Variants in MLXIP observed in about 807,000 individuals in gnomAD.
MLXIP encodes MLX interacting protein, also known as MLX-interacting protein.
MLXIP carries 30 observed loss-of-function variants against 87.2 expected under a neutral mutation model. The ratio of observed to expected loss-of-function variants is 0.34; its 90% CI spans 0.26 to 0.47. The LOEUF (loss-of-function observed/expected upper bound fraction) is 0.47. MLXIP is among the 20% of genes least tolerant of loss of function. The probability of loss-of-function intolerance (pLI) is 1.00; values close to 1 mark genes in which losing one functional copy is unlikely to be tolerated. For missense variants in MLXIP, 1,002 were observed against 1,240.1 expected (o/e 0.81, Z 2.88); for synonymous variants, 530 against 514.0 (o/e 1.03, Z -0.42).
chr12:122,127,825 C>G, intron 2 of MLXIP, 58 bp from the exon 3 acceptor site: 2 of 1,432,162 alleles, frequency 1.4e-6, no homozygotes, highest in Admixed American at 1.7e-5. Flanking sequence ...AGCAGACAGG[C>G]TGGGGCTCCC....
Position 122,135,405 on chromosome 12 carries a change from G to T in MLXIP, c.1854+60G>T. The T allele has an allele frequency of 6.2e-7, 1 of 1,600,300 alleles. No homozygotes were observed. Among genetic ancestry groups the T allele is most frequent in the African/African-American group, 1.3e-5 (1 of 74,862 alleles). On this transcript the variant is annotated intron_variant, in intron 10 of 16. Coordinates refer to ENST00000319080, the MANE Select transcript of MLXIP (RefSeq NM_014938.6). The surrounding 1 kb of genome is among the most constrained non-coding windows in gnomAD (Gnocchi z 5.3). ...TCTCACCCCGGAGCACTCTGATCTTGGGCGGCCCTCACCTGAGACGACTGG... is the reference window on the plus strand; with the variant it reads ...TCTCACCCCGGAGCACTCTGATCTTTGGCGGCCCTCACCTGAGACGACTGG...
At chr12:122,117,292 ACT>A (rs778554165) in intron 1 of MLXIP, among the ~76,000 whole-genome samples, 19 of 152,014 alleles carry the variant, frequency 1.2e-4, no homozygotes, top group Non-Finnish European at 2.2e-4. Context: ...TCCATAGGAG[ACT>A]CTCTGCTCGG....
At chr12:122,104,770 T>C (rs531925727) in intron 1 of MLXIP, among the ~76,000 whole-genome samples, 4 of 152,048 alleles carry the variant, frequency 2.6e-5, no homozygotes, top group African/African-American at 9.6e-5. Context: ...TTAGTGGAGA[T>C]GGGGTTTCAC....
At position 122,133,052 on chromosome 12, in the gene MLXIP, T is replaced by A; in HGVS notation, c.1093-296T>A. 1 of 343,934 alleles carries A rather than the reference T, an allele frequency of 2.9e-6. No homozygotes were observed. Among genetic ancestry groups the A allele is most frequent in the Non-Finnish European group, 5.3e-6 (1 of 189,520 alleles). The allele number at this position is 343,934 out of a possible 1,614,324, so 21.3% of individuals were successfully genotyped here. A position where few individuals can be genotyped will look rare whatever the true frequency, so the allele number is the denominator to read the frequency against. On this transcript the variant is annotated intron_variant, in intron 8 of 16. Coordinates refer to ENST00000319080, the MANE Select transcript of MLXIP (RefSeq NM_014938.6). This position sits in a 1 kb window ranked among gnomAD's most constrained non-coding sequence, Gnocchi z 4.9. ...CAGTAATAGAAGATGGCAGAGACTTTGGGGAGACTCTGCTGGACTCCAGAA... is the reference window on the plus strand; with the variant it reads ...CAGTAATAGAAGATGGCAGAGACTTAGGGGAGACTCTGCTGGACTCCAGAA...
chr12:122,107,218 G>A (rs1489348872), intron 1 of MLXIP, among the ~76,000 whole-genome samples: 4 of 152,092 alleles, frequency 2.6e-5, no homozygotes, highest in African/African-American at 4.8e-5. Flanking sequence ...GGGAGCTGGG[G>A]GTTCAGGTGA....
Position 122,138,824 on chromosome 12 carries a change from G to A in MLXIP, c.2394G>A (p.Gln798=). ...GCTCCTGTCATTTCAGCTCCTGCCA[G>A]CAGCTGCTCCCTGCCACGGGAGTCC... ...EELNATIISC[Q]QLLPATGVPV... The change falls in exon 15 of 17, where the codon CAG becomes CAA. Residue 798 remains glutamine, a synonymous_variant. Coordinates refer to ENST00000319080, the MANE Select transcript of MLXIP (RefSeq NM_014938.6). 1 of 1,613,666 alleles carries A rather than the reference G, an allele frequency of 6.2e-7. No homozygotes were observed. The highest frequency in any genetic ancestry group is 8.5e-7 in the Non-Finnish European group (1 of 1,179,826).
At chr12:122,090,509 C>A (rs995293296) in intron 1 of MLXIP, among the ~76,000 whole-genome samples, 17 of 147,210 alleles carry the variant, frequency 1.2e-4, no homozygotes, top group East Asian at 2.0e-4. Flanking sequence ...AAAAAAAAAA[C>A]AAAACAAAAC....
At chr12:122,121,332 T>A (rs1315057266) in intron 1 of MLXIP, among the ~76,000 whole-genome samples, 2 of 110,018 alleles carry the variant, frequency 1.8e-5, no homozygotes, top group Admixed American at 1.0e-4. Flanking sequence ...TTTTTTTAAA[T>A]TGAGATGGAG....
At chr12:122,128,258 G>A in intron 3 of MLXIP, 1 of 344,548 alleles carries the variant, frequency 2.9e-6, no homozygotes, top group East Asian at 6.8e-5. Context: ...CACAGGAAGT[G>A]TCTAGAGGAA....
intron 1 of MLXIP, among the ~76,000 whole-genome samples, chr12:122,113,681 C>CTTTTTTTTTTTTTTTTTTT (rs1173711241): frequency 9.9e-6 from 1 of 100,686 alleles, no homozygotes; most frequent in Non-Finnish European, 1.8e-5. Context: ...GCCTTCATTT[C>CTTTTTTTTTTTTTTTTTTT]TTTTTTTTTT....
chr12:122,097,286 C>G (rs1445190912), intron 1 of MLXIP, among the ~76,000 whole-genome samples: 1 of 152,100 alleles, frequency 6.6e-6, no homozygotes, highest in Non-Finnish European at 1.5e-5. Context: ...TCACCCTGGC[C>G]TCACTACAGG....
intron 1 of MLXIP, among the ~76,000 whole-genome samples, chr12:122,092,553 G>T (rs1031363255): frequency 2.0e-5 from 3 of 152,156 alleles, no homozygotes; most frequent in Non-Finnish European, 2.9e-5. Flanking sequence ...TAGTTACTCT[G>T]AGTTATGAGG....
chr12:122,124,884 AG>A (rs1266999512), intron 1 of MLXIP, among the ~76,000 whole-genome samples: 1 of 152,040 alleles, frequency 6.6e-6, no homozygotes, highest in African/African-American at 2.4e-5. Flanking sequence ...TACAAAAATT[AG>A]GCCGGGCTTG....
At chr12:122,105,700 C>T (rs1335895733) in intron 1 of MLXIP, among the ~76,000 whole-genome samples, 1 of 151,922 alleles carries the variant, frequency 6.6e-6, no homozygotes, top group Non-Finnish European at 1.5e-5. Flanking sequence ...CAAAAACTTC[C>T]CTTTTAGAGG....
chr12:122,080,395 C>G (rs981197116), intron 1 of MLXIP, among the ~76,000 whole-genome samples: 4 of 152,164 alleles, frequency 2.6e-5, no homozygotes, highest in African/African-American at 9.7e-5. Context: ...CTTGCCCCCT[C>G]TCACCTCACC....
rs1823830361 is a variant in MLXIP at position 122,146,498 on chromosome 12, C to T, written c.*4686C>T. On this transcript the variant is annotated 3_prime_UTR_variant, in exon 17 of 17. Coordinates refer to ENST00000319080, the MANE Select transcript of MLXIP (RefSeq NM_014938.6). ...GAGGACAGAGCAGCTGTGGGCTTTT[C>T]ATTCTGAGGTCTTGGCCCCCCTGGC... is the stretch of plus-strand genomic sequence containing the variant. The T allele has an allele frequency of 6.6e-6, 1 of 152,240 alleles. No individual in the cohort carries two copies. Among genetic ancestry groups the T allele is most frequent in the Admixed American group, 6.5e-5 (1 of 15,274 alleles). The allele number at this position is 152,240 out of a possible 1,614,324, so 9.4% of individuals were successfully genotyped here. A position where few individuals can be genotyped will look rare whatever the true frequency, so the allele number is the denominator to read the frequency against.
chr12:122,092,087 TTTC>T (rs1176619773), intron 1 of MLXIP, among the ~76,000 whole-genome samples: 2 of 151,974 alleles, frequency 1.3e-5, no homozygotes, highest in African/African-American at 4.8e-5. Flanking sequence ...TTTCTTTTCT[TTTC>T]TTTTCTTTTT....
At position 122,141,174 on chromosome 12, in the gene MLXIP, T is replaced by C. The variant is rs1006799116; in HGVS notation, c.2638+91T>C. On this transcript the variant is annotated intron_variant, in intron 16 of 16. Transcript: ENST00000319080. ...GAGGACAGTATTAGCCAGACTCCAC[T>C]GCAGGCAGCCAGGTGGGGCCGGGGC... The C allele has an allele frequency of 2.7e-6, 4 of 1,472,530 alleles. No individual in the cohort carries two copies. In the African/African-American group the frequency reaches 4.2e-5, roughly 15 times the overall value. 91.2% of individuals were successfully genotyped at this position (1,472,530 alleles called of 1,614,324 possible).
At chr12:122,088,681 A>T (rs1952203274) in intron 1 of MLXIP, among the ~76,000 whole-genome samples, 1 of 152,110 alleles carries the variant, frequency 6.6e-6, no homozygotes, top group Admixed American at 6.5e-5. Context: ...AATATTCTGC[A>T]AGTAGGTGAT....
Sources: allele counts gnomAD v4.1 joint callset (sites outside exome capture counted in the v4.1 genomes callset), GRCh38; gene constraint gnomAD v4.1.1; non-coding constraint Gnocchi (gnomAD v3.1); transcripts MANE v1.5; gene names NCBI Gene and HGNC (gene_info 2026-07-23, HGNC 2026-07-21).